The following MISP3 variants were observed in gnomAD, a reference collection of about 807,000 sequenced individuals.
The protein encoded by MISP3 is MISP family member 3.
Under a neutral mutation model 5.5 loss-of-function variants are expected in MISP3, and 9 were observed. The observed-to-expected ratio is 1.65, with a 90% confidence interval of 0.99 to 2.87. MISP3 has a LOEUF of 2.87. MISP3 is among the 30% of genes most tolerant of loss of function. The pLI is 0.00. For missense variants in MISP3, 152 were observed against 84.1 expected (o/e 1.81, Z -3.16); for synonymous variants, 87 against 38.1 (o/e 2.28, Z -4.73).
chr19:14,074,882 A>G lies in MISP3; in HGVS notation c.*159A>G, dbSNP rs1976666197. On this transcript the variant is annotated 3_prime_UTR_variant, in exon 3 of 3. Coordinates refer to ENST00000587086, the MANE Select transcript of MISP3 (RefSeq NM_001291291.2). This position sits in a 1 kb window ranked among gnomAD's most constrained non-coding sequence, Gnocchi z 4.4. ...GAAATTGACCAGCCCCCTCTATAAA[A>G]CTTACAGTCCCCCATTGGGAAACTG... 3 of 618,176 alleles carry G rather than the reference A, an allele frequency of 4.9e-6. No homozygotes were observed. Among genetic ancestry groups the G allele is most frequent in the East Asian group, 2.8e-5 (1 of 35,982 alleles). The allele number at this position is 618,176 out of a possible 1,614,324, so 38.3% of individuals were successfully genotyped here.
Position 14,073,447 on chromosome 19 carries a change from G to A in MISP3, c.138G>A (p.Pro46=), listed in dbSNP as rs1344570138. 5 of 607,322 alleles carry A rather than the reference G, an allele frequency of 8.2e-6. No individual in the cohort carries two copies. The South Asian group carries it at 8.8e-5, about 11-fold the overall frequency. The allele number at this position is 607,322 out of a possible 1,614,324, so 37.6% of individuals were successfully genotyped here. The change falls in exon 1 of 3, where the codon CCG becomes CCA. Residue 46 remains proline (P), a synonymous_variant. Transcript: ENST00000587086. This position sits in a 1 kb window ranked among gnomAD's most constrained non-coding sequence, Gnocchi z 8.5. The part of the protein sequence containing the change: ...ELRVRPVLNL[P]GPGPALPRAL... Reference sequence around the variant, plus strand: ...GCGTGCGGCCGGTGCTCAACCTGCCGGGTCCTGGCCCCGCGCTCCCGCGCG... The same window carrying A: ...GCGTGCGGCCGGTGCTCAACCTGCCAGGTCCTGGCCCCGCGCTCCCGCGCG...
rs1221004742 is a variant in MISP3 at position 14,074,700 on chromosome 19, C to G, written c.643-6C>G. 1 of 702,378 alleles carries G rather than the reference C, an allele frequency of 1.4e-6. No individual in the cohort carries two copies. Among genetic ancestry groups the G allele is most frequent in the Non-Finnish European group, 2.6e-6 (1 of 384,458 alleles). 43.5% of individuals were successfully genotyped at this position (702,378 alleles called of 1,614,324 possible). On this transcript the variant is annotated splice_polypyrimidine_tract_variant and splice_region_variant and intron_variant, in intron 2 of 2. Transcript: ENST00000587086. This position sits in a 1 kb window ranked among gnomAD's most constrained non-coding sequence, Gnocchi z 4.4. The stretch of plus-strand genomic sequence containing the variant: ...GCCGGCCTTCCTTCTGGTCCTCTGT[C>G]CCCAGGAGGAGCGCAAACCTTGAGG...
rs1438871359 is a variant in MISP3, at chr19:14,073,023, A to G, written c.-287A>G. 7.6e-6 allele frequency: 4 copies of G among 525,430 alleles called. No homozygotes were observed. The Admixed American group carries it at 9.0e-5, about 12-fold the overall frequency. The allele number at this position is 525,430 out of a possible 1,614,324, so 32.5% of individuals were successfully genotyped here. A position where few individuals can be genotyped will look rare whatever the true frequency, so the allele number is the denominator to read the frequency against. On this transcript the variant is annotated 5_prime_UTR_variant, in exon 1 of 3. Transcript: ENST00000587086. The surrounding 1 kb of genome is among the most constrained non-coding windows in gnomAD (Gnocchi z 8.5). ...GCGGAGCTGAACACCGAGGTCCCCAAGCCCTCCGCAAAGGACGTGGAGATC... is the reference window on the plus strand; with the variant it reads ...GCGGAGCTGAACACCGAGGTCCCCAGGCCCTCCGCAAAGGACGTGGAGATC...
In MISP3 at chr19:14,074,515, C is replaced by T; in HGVS notation, c.642+52C>T. 3 of 689,116 alleles carry T rather than the reference C, an allele frequency of 4.4e-6. No homozygotes were observed. Among genetic ancestry groups the T allele is most frequent in the Non-Finnish European group, 8.0e-6 (3 of 376,426 alleles). The allele number at this position is 689,116 out of a possible 1,614,324, so 42.7% of individuals were successfully genotyped here. A position where few individuals can be genotyped will look rare whatever the true frequency, so the allele number is the denominator to read the frequency against. On this transcript the variant is annotated intron_variant, in intron 2 of 2. Transcript: ENST00000587086. This position sits in a 1 kb window ranked among gnomAD's most constrained non-coding sequence, Gnocchi z 4.4. ...CTAGCGCTTGTCGGTCCCCCCACCC[C>T]TCCGGTGCCAGGACGCTTGGTGGGG... is the stretch of plus-strand genomic sequence containing the variant.
In MISP3 at chr19:14,074,645, G is replaced by A. The variant is rs1976659594; in HGVS notation, c.643-61G>A. The A allele has an allele frequency of 2.9e-6, 2 of 697,458 alleles. No individual in the cohort carries two copies. The highest frequency in any genetic ancestry group is 2.0e-5 in the Admixed American group (1 of 49,898). 43.2% of individuals were successfully genotyped at this position (697,458 alleles called of 1,614,324 possible). A position where few individuals can be genotyped will look rare whatever the true frequency, so the allele number is the denominator to read the frequency against. Reference sequence around the variant, plus strand: ...GTCTTGAGGCCCAAACCGCCACCCCGAGCCTGGATGCAGTGCGCAGGTCCC... The same window carrying A: ...GTCTTGAGGCCCAAACCGCCACCCCAAGCCTGGATGCAGTGCGCAGGTCCC... On this transcript the variant is annotated intron_variant, in intron 2 of 2. Transcript: ENST00000587086. This position sits in a 1 kb window ranked among gnomAD's most constrained non-coding sequence, Gnocchi z 4.4.
rs878872758 is a variant in MISP3, at chr19:14,074,779, G to A, written c.*56G>A. On this transcript the variant is annotated 3_prime_UTR_variant, in exon 3 of 3. Coordinates refer to ENST00000587086, the MANE Select transcript of MISP3 (RefSeq NM_001291291.2). The surrounding 1 kb of genome is among the most constrained non-coding windows in gnomAD (Gnocchi z 4.4). ...AGTAACGTACGCGTCAGAGGAACAG[G>A]GCGGGGGGCGTCTAGCATTAGGCCT... The A allele has an allele frequency of 2.9e-6, 2 of 695,788 alleles. No homozygotes were observed. Among genetic ancestry groups the A allele is most frequent in the Admixed American group, 4.0e-5 (2 of 49,896 alleles). The allele number at this position is 695,788 out of a possible 1,614,324, so 43.1% of individuals were successfully genotyped here. A position where few individuals can be genotyped will look rare whatever the true frequency, so the allele number is the denominator to read the frequency against.
rs1818962875 is a variant in MISP3, at chr19:14,074,719, C to T, written c.656C>T (p.Pro219Leu). The change falls in exon 3 of 3, where the codon CCT becomes CTT. Residue 219 changes from proline (P) to leucine (L), a missense_variant. Physicochemically the swap from Pro to Leu is moderately conservative, Grantham distance 98. Coordinates refer to ENST00000587086, the MANE Select transcript of MISP3 (RefSeq NM_001291291.2). The surrounding 1 kb of genome is among the most constrained non-coding windows in gnomAD (Gnocchi z 4.4). ...ENGLEQEERK[P>L] ...CTCTGTCCCCAGGAGGAGCGCAAAC[C>T]TTGAGGTTTGAAAAGGCTGGGACCC... The T allele has an allele frequency of 2.8e-6, 2 of 702,198 alleles. No homozygotes were observed. The allele number at this position is 702,198 out of a possible 1,614,324, so 43.5% of individuals were successfully genotyped here.
chr19:14,073,234 G>C lies in MISP3; in HGVS notation c.-76G>C, dbSNP rs560239360. The C allele has an allele frequency of 7.0e-4, 473 of 680,166 alleles. 2 individuals are homozygous for C. The highest frequency in any genetic ancestry group is 6.9e-3 in the South Asian group (462 of 66,624). The allele number at this position is 680,166 out of a possible 1,614,324, so 42.1% of individuals were successfully genotyped here. Reference sequence around the variant, plus strand: ...CAGGCCCTAAGACCTCCTCCTCCAGGTCAGGCTCGGAAGCCCCCCACCTGC... The same window carrying C: ...CAGGCCCTAAGACCTCCTCCTCCAGCTCAGGCTCGGAAGCCCCCCACCTGC... On this transcript the variant is annotated 5_prime_UTR_variant, in exon 1 of 3. Coordinates refer to ENST00000587086, the MANE Select transcript of MISP3 (RefSeq NM_001291291.2). This position sits in a 1 kb window ranked among gnomAD's most constrained non-coding sequence, Gnocchi z 8.5.
rs1976656232 is a variant in MISP3 at position 14,074,472 on chromosome 19, C to T, written c.642+9C>T. On this transcript the variant is annotated intron_variant, in intron 2 of 2. Coordinates refer to ENST00000587086, the MANE Select transcript of MISP3 (RefSeq NM_001291291.2). The surrounding 1 kb of genome is among the most constrained non-coding windows in gnomAD (Gnocchi z 4.4). ...AGAACGGCCTGGAGCAGGTGGGAGC[C>T]CCCTTACCCGTGTGCCTCTAGCGCT... The T allele has an allele frequency of 5.7e-6, 4 of 702,180 alleles. No homozygotes were observed. Among genetic ancestry groups the T allele is most frequent in the African/African-American group, 1.7e-5 (1 of 57,218 alleles). The allele number at this position is 702,180 out of a possible 1,614,324, so 43.5% of individuals were successfully genotyped here.
In MISP3 at chr19:14,073,912, G is replaced by T; in HGVS notation, c.568+35G>T. On this transcript the variant is annotated intron_variant, in intron 1 of 2. Transcript: ENST00000587086. This position sits in a 1 kb window ranked among gnomAD's most constrained non-coding sequence, Gnocchi z 8.5. ...GGGCGTAGCAACGCCGGGACCCCCA[G>T]GGTTCCAGCCGCCCCCACCGATTGC... 1.4e-6 allele frequency: 1 copy of T among 696,324 alleles called. No individual in the cohort carries two copies. The highest frequency in any genetic ancestry group is 1.5e-5 in the South Asian group (1 of 67,256). 43.1% of individuals were successfully genotyped at this position (696,324 alleles called of 1,614,324 possible). A position where few individuals can be genotyped will look rare whatever the true frequency, so the allele number is the denominator to read the frequency against.
At position 14,073,858 on chromosome 19, in the gene MISP3, G is replaced by A. The variant is rs905127799; in HGVS notation, c.549G>A (p.Glu183=). 5 of 701,666 alleles carry A rather than the reference G, an allele frequency of 7.1e-6. No homozygotes were observed. Among genetic ancestry groups the A allele is most frequent in the African/African-American group, 5.2e-5 (3 of 57,178 alleles). 43.5% of individuals were successfully genotyped at this position (701,666 alleles called of 1,614,324 possible). Reference sequence around the variant, plus strand: ...TCTATGGCACCGCGGAGTTCAAGGAGCCTACGCCGAGCCTCACCGGTAAGC... The same window carrying A: ...TCTATGGCACCGCGGAGTTCAAGGAACCTACGCCGAGCCTCACCGGTAAGC... ...RSVYGTAEFK[E]PTPSLTASRG... is the part of the protein sequence containing the mutation. Residue 183 remains glutamate, a synonymous_variant, in exon 1 of 3, where the codon GAG becomes GAA. Coordinates refer to ENST00000587086, the MANE Select transcript of MISP3 (RefSeq NM_001291291.2). This position sits in a 1 kb window ranked among gnomAD's most constrained non-coding sequence, Gnocchi z 8.5.
rs1417938073 is a variant in MISP3, at chr19:14,075,027, C to G, written c.*304C>G. On this transcript the variant is annotated 3_prime_UTR_variant, in exon 3 of 3. Coordinates refer to ENST00000587086, the MANE Select transcript of MISP3 (RefSeq NM_001291291.2). ...GAGTTACCGCCTCGATTGCCCCACT[C>G]CCCCCACCCCCAATAAAGCCTCTTC... 8.3e-6 allele frequency: 3 copies of G among 361,718 alleles called. No individual in the cohort carries two copies. The highest frequency in any genetic ancestry group is 1.0e-5 in the Non-Finnish European group (2 of 191,908). The allele number at this position is 361,718 out of a possible 1,614,324, so 22.4% of individuals were successfully genotyped here.
rs1041097019 is a variant in MISP3 at position 14,074,282 on chromosome 19, C to A, written c.569-108C>A. On this transcript the variant is annotated intron_variant, in intron 1 of 2. Coordinates refer to ENST00000587086, the MANE Select transcript of MISP3 (RefSeq NM_001291291.2). The surrounding 1 kb of genome is among the most constrained non-coding windows in gnomAD (Gnocchi z 4.4). ...CTGGGTGCCTGGAGTTGAATGGAGG[C>A]TTTCATGGGGAGGCGGAGGGTGAAC... 10 of 644,374 alleles carry A rather than the reference C, an allele frequency of 1.6e-5. No homozygotes were observed. The highest frequency in any genetic ancestry group is 2.8e-5 in the Non-Finnish European group (10 of 354,590). The allele number at this position is 644,374 out of a possible 1,614,324, so 39.9% of individuals were successfully genotyped here.
rs1976628857 is a variant in MISP3, at chr19:14,073,652, G to C, written c.343G>C (p.Ala115Pro). The change falls in exon 1 of 3, where the codon GCG becomes CCG. Residue 115 changes from alanine (A) to proline (P), a missense_variant. By Grantham distance (27) the Ala-to-Pro change is conservative. Transcript: ENST00000587086. This position sits in a 1 kb window ranked among gnomAD's most constrained non-coding sequence, Gnocchi z 8.5. ...GGCGGGGAGCGGCTCCTCGGCGGGG[G>C]CGGGGGACGGCGCGGGCCCGCAGAG... ...AAAGSGSSAG[A>P]GDGAGPQRLP... 5.4e-6 allele frequency: 2 copies of C among 373,270 alleles called. No individual in the cohort carries two copies. Among genetic ancestry groups the C allele is most frequent in the Admixed American group, 4.6e-5 (1 of 21,670 alleles). The allele number at this position is 373,270 out of a possible 1,614,324, so 23.1% of individuals were successfully genotyped here. A position where few individuals can be genotyped will look rare whatever the true frequency, so the allele number is the denominator to read the frequency against.
Position 14,074,782 on chromosome 19 carries a change from G to A in MISP3, c.*59G>A, listed in dbSNP as rs1259818660. 5.8e-6 allele frequency: 4 copies of A among 695,186 alleles called. No individual in the cohort carries two copies. Among genetic ancestry groups the A allele is most frequent in the Non-Finnish European group, 1.1e-5 (4 of 378,624 alleles). The allele number at this position is 695,186 out of a possible 1,614,324, so 43.1% of individuals were successfully genotyped here. ...AACGTACGCGTCAGAGGAACAGGGCGGGGGGCGTCTAGCATTAGGCCTGGA... is the reference window on the plus strand; with the variant it reads ...AACGTACGCGTCAGAGGAACAGGGCAGGGGGCGTCTAGCATTAGGCCTGGA... On this transcript the variant is annotated 3_prime_UTR_variant, in exon 3 of 3. Transcript: ENST00000587086. The surrounding 1 kb of genome is among the most constrained non-coding windows in gnomAD (Gnocchi z 4.4).
Position 14,074,599 on chromosome 19 carries a change from C to T in MISP3, c.643-107C>T. On this transcript the variant is annotated intron_variant, in intron 2 of 2. Coordinates refer to ENST00000587086, the MANE Select transcript of MISP3 (RefSeq NM_001291291.2). The surrounding 1 kb of genome is among the most constrained non-coding windows in gnomAD (Gnocchi z 4.4). ...CAGAACTCAGTCTGGGACGCATCCCCGGGGTGAAGAGGAGACGGTGGTCTT... is the reference window on the plus strand; with the variant it reads ...CAGAACTCAGTCTGGGACGCATCCCTGGGGTGAAGAGGAGACGGTGGTCTT... The T allele has an allele frequency of 1.5e-6, 1 of 684,730 alleles. No individual in the cohort carries two copies. The highest frequency in any genetic ancestry group is 1.8e-5 in the African/African-American group (1 of 57,008). 42.4% of individuals were successfully genotyped at this position (684,730 alleles called of 1,614,324 possible).
chr19:14,073,068 T>C lies in MISP3; in HGVS notation c.-242T>C. The stretch of plus-strand genomic sequence containing the variant: ...GAGATCCTGGAGCAAGAGAGCGAAG[T>C]CCTCGAGCCATCAGTCGAGCAGGAC... On this transcript the variant is annotated 5_prime_UTR_variant, in exon 1 of 3. Coordinates refer to ENST00000587086, the MANE Select transcript of MISP3 (RefSeq NM_001291291.2). This position sits in a 1 kb window ranked among gnomAD's most constrained non-coding sequence, Gnocchi z 8.5. The C allele has an allele frequency of 3.3e-6, 2 of 602,286 alleles. No homozygotes were observed. Among genetic ancestry groups the C allele is most frequent in the Middle Eastern group, 5.2e-4 (2 of 3,860 alleles). The allele number at this position is 602,286 out of a possible 1,614,324, so 37.3% of individuals were successfully genotyped here.
rs1274666824 is a variant in MISP3 at position 14,074,471 on chromosome 19, C to A, written c.642+8C>A. On this transcript the variant is annotated splice_region_variant and intron_variant, in intron 2 of 2. Coordinates refer to ENST00000587086, the MANE Select transcript of MISP3 (RefSeq NM_001291291.2). This position sits in a 1 kb window ranked among gnomAD's most constrained non-coding sequence, Gnocchi z 4.4. ...GAGAACGGCCTGGAGCAGGTGGGAG[C>A]CCCCTTACCCGTGTGCCTCTAGCGC... The A allele has an allele frequency of 4.3e-6, 3 of 702,114 alleles. No individual in the cohort carries two copies. Among genetic ancestry groups the A allele is most frequent in the Non-Finnish European group, 7.8e-6 (3 of 384,758 alleles). 43.5% of individuals were successfully genotyped at this position (702,114 alleles called of 1,614,324 possible).
Position 14,072,968 on chromosome 19 carries a change from A to C in MISP3, c.-342A>C, listed in dbSNP as rs1336236771. On this transcript the variant is annotated 5_prime_UTR_variant, in exon 1 of 3. Coordinates refer to ENST00000587086, the MANE Select transcript of MISP3 (RefSeq NM_001291291.2). The surrounding 1 kb of genome is among the most constrained non-coding windows in gnomAD (Gnocchi z 6.8). ...CTGAAGAGGAGGGCCAGGAGTCCCCAGGGCCAGACAGCGAAGCCCCAGAGC... is the reference window on the plus strand; with the variant it reads ...CTGAAGAGGAGGGCCAGGAGTCCCCCGGGCCAGACAGCGAAGCCCCAGAGC... 9 of 476,272 alleles carry C rather than the reference A, an allele frequency of 1.9e-5. No homozygotes were observed. In the Admixed American group the frequency reaches 2.1e-4, roughly 11 times the overall value. The allele number at this position is 476,272 out of a possible 1,614,324, so 29.5% of individuals were successfully genotyped here.
Sources: gnomAD v4.1 joint callset for allele counts on GRCh38, gnomAD v4.1.1 for gene constraint, Gnocchi (gnomAD v3.1) non-coding constraint, MANE v1.5 for transcripts, NCBI Gene and HGNC (gene_info 2026-07-23, HGNC 2026-07-21) for gene names.